C2CD3: variants seen among roughly 807,000 people sequenced by gnomAD.
The protein encoded by C2CD3 is C2 domain containing 3 centriole elongation regulator.
Under a neutral mutation model 234.0 loss-of-function variants are expected in C2CD3, and 148 were observed. That is an observed-to-expected ratio of 0.63 (90% confidence interval 0.55 to 0.72). The LOEUF (loss-of-function observed/expected upper bound fraction) is 0.72. Among genes scored for constraint, C2CD3 ranks in the 30% least tolerant of loss-of-function variants. The pLI, the probability that C2CD3 is intolerant of heterozygous loss-of-function variation, is 0.00. For missense variants in C2CD3, 2,577 were observed against 2,811.5 expected, an observed-to-expected ratio of 0.92 and a Z score of 1.89; for synonymous variants, 1,000 against 1,035.4, an observed-to-expected ratio of 0.97 and a Z score of 0.66.
chr11:74,043,765 T>G lies in C2CD3; in HGVS notation c.5496-1547A>C, dbSNP rs751359635. Among the ~76,000 whole-genome samples the G allele has an allele frequency of 4.2e-4, 64 of 152,150 alleles. 2 individuals carry two copies. Among genetic ancestry groups the G allele is most frequent in the Non-Finnish European group, 2.2e-4 (15 of 68,034 alleles). On this transcript the variant is annotated intron_variant, in intron 28 of 32. Coordinates refer to ENST00000334126, the MANE Select transcript of C2CD3 (RefSeq NM_001286577.2). Reference sequence around the variant, plus strand: ...GTATATCTTTTTTTGAAGAAATGTCTATTCAGATCCTTTGCCCATTTTTAA... The same window carrying G: ...GTATATCTTTTTTTGAAGAAATGTCGATTCAGATCCTTTGCCCATTTTTAA...
intron 11 of C2CD3, among the ~76,000 whole-genome samples, chr11:74,111,730 G>A (rs770111266): frequency 2.6e-5 from 4 of 152,052 alleles, no homozygotes; most frequent in Non-Finnish European, 5.9e-5. Flanking sequence ...GGATGGCTTT[G>A]AATGCAGCCC....
chr11:74,106,559 G>C, intron 12 of C2CD3, 66 bp from the exon 13 acceptor site: 3 of 1,474,472 alleles, frequency 2.0e-6, no homozygotes, highest in South Asian at 2.4e-5. Flanking sequence ...CTTAATTAAA[G>C]TGACAACATA....
rs751103238 is a variant in C2CD3, at chr11:74,161,571, T to C, written c.326-15A>G. 1 of 1,523,406 alleles carries C rather than the reference T, an allele frequency of 6.6e-7. No homozygotes were observed. Among genetic ancestry groups the C allele is most frequent in the South Asian group, 1.3e-5 (1 of 78,882 alleles). 94.4% of individuals were successfully genotyped at this position (1,523,406 alleles called of 1,614,324 possible). A position where few individuals can be genotyped will look rare whatever the true frequency, so the allele number is the denominator to read the frequency against. On this transcript the variant is annotated splice_polypyrimidine_tract_variant and intron_variant, in intron 2 of 32. Transcript: ENST00000334126. ...CACAGCCATATCTAACCAGAAACAA[T>C]TACAACATGGATATTTTTCATTTAC...
chr11:74,100,125 T>C (rs1956259147), intron 15 of C2CD3, among the ~76,000 whole-genome samples: 1 of 152,196 alleles, frequency 6.6e-6, no homozygotes, highest in Non-Finnish European at 1.5e-5. Context: ...TGGTAACTTT[T>C]GACAATAGAG....
chr11:74,054,950 T>C, intron 25 of C2CD3, among the ~76,000 whole-genome samples: 1 of 152,104 alleles, frequency 6.6e-6, no homozygotes, highest in Admixed American at 6.5e-5. Flanking sequence ...GGAGGAAGTA[T>C]GGAAAAGAAG....
chr11:74,166,343 A>G (rs1432182480), intron 2 of C2CD3, among the ~76,000 whole-genome samples: 2 of 150,852 alleles, frequency 1.3e-5, no homozygotes, highest in Non-Finnish European at 2.9e-5. Flanking sequence ...AAACCATGTC[A>G]TGTCTACAGT....
intron 21 of C2CD3, 88 bp from the exon 22 acceptor site, chr11:74,085,058 A>C (rs1955578730): frequency 1.5e-6 from 1 of 679,604 alleles, no homozygotes; most frequent in Non-Finnish European, 2.6e-6. Flanking sequence ...CCCTCCCCTT[A>C]TATGCACTAA....
chr11:74,085,976 G>A, intron 20 of C2CD3, 90 bp from the exon 21 acceptor site: 3 of 1,302,118 alleles, frequency 2.3e-6, no homozygotes, highest in South Asian at 3.0e-5. Flanking sequence ...TTACTTCTAT[G>A]AGACCACCAA....
chr11:74,135,402 G>C (rs1032565149), intron 5 of C2CD3, among the ~76,000 whole-genome samples: 26 of 151,994 alleles, frequency 1.7e-4, no homozygotes, highest in African/African-American at 5.6e-4. Context: ...CAAAGTGCTG[G>C]GATTACAGGC....
At chr11:74,089,634 G>A (rs575699090) in intron 20 of C2CD3, among the ~76,000 whole-genome samples, 31 of 152,210 alleles carry the variant, frequency 2.0e-4, no homozygotes, top group Admixed American at 1.3e-3. Flanking sequence ...GTGTCAGTCT[G>A]AAGCAGGAGC....
At chr11:74,110,664 G>C (rs1289922034) in intron 11 of C2CD3, 1 of 152,186 alleles carries the variant, frequency 6.6e-6, no homozygotes, top group East Asian at 1.9e-4. Context: ...CTTACTACTT[G>C]GGTATGTTCT....
At chr11:74,043,818 T>C (rs1953206751) in intron 28 of C2CD3, among the ~76,000 whole-genome samples, 1 of 152,242 alleles carries the variant, frequency 6.6e-6, no homozygotes, top group Non-Finnish European at 1.5e-5. Context: ...TATTATTGAG[T>C]TGTAAGAGTT....
intron 14 of C2CD3, among the ~76,000 whole-genome samples, chr11:74,101,795 T>A: frequency 6.6e-6 from 1 of 151,802 alleles, no homozygotes; most frequent in East Asian, 1.9e-4. Flanking sequence ...AGCTGGGCTA[T>A]CTAGTATAAG....
At chr11:74,160,659 T>C (rs1730977195) in intron 3 of C2CD3, among the ~76,000 whole-genome samples, 1 of 152,208 alleles carries the variant, frequency 6.6e-6, no homozygotes, top group Non-Finnish European at 1.5e-5. Context: ...GAATAAATTC[T>C]GGTGTTCTAT....
chr11:74,042,752 T>TA (rs35623397), intron 28 of C2CD3, among the ~76,000 whole-genome samples: 42 of 140,230 alleles, frequency 3.0e-4, no homozygotes, highest in South Asian at 4.6e-4. Context: ...GACTCTGTCT[T>TA]AAAAAAAAAA....
At position 74,106,474 on chromosome 11, in the gene C2CD3, A is replaced by G. The variant is rs1956524567; in HGVS notation, c.1982T>C (p.Val661Ala). ...AATGACAGCTCGCAAAGAAAGTGACACAGATCCAATGACTTCTGGCTGAGA... is the reference window on the plus strand; with the variant it reads ...AATGACAGCTCGCAAAGAAAGTGACGCAGATCCAATGACTTCTGGCTGAGA... ...PQKKPEVIGS[V>A]SLSLRAVIQS... is the part of the protein sequence containing the mutation. The change falls in exon 13 of 33, where the codon GTG (valine) becomes GCG (alanine). Residue 661 changes from valine to alanine, a missense_variant. Transcript: ENST00000334126. The G allele has an allele frequency of 3.7e-6, 6 of 1,614,084 alleles. No individual in the cohort carries two copies. In the East Asian group the frequency reaches 1.3e-4, roughly 36 times the overall value.
At chr11:74,078,007 G>T in intron 23 of C2CD3, 108 bp downstream of exon 23, 1 of 1,337,070 alleles carries the variant, frequency 7.5e-7, no homozygotes, top group Non-Finnish European at 1.0e-6. Context: ...TATCTCACAG[G>T]ATTGCTGGGA....
At chr11:74,119,391 C>T (rs752716537) in intron 8 of C2CD3, among the ~76,000 whole-genome samples, 1 of 152,050 alleles carries the variant, frequency 6.6e-6, no homozygotes, top group Admixed American at 6.6e-5. Context: ...CAGCCCTCTA[C>T]ATCACAAAAT....
Position 74,123,062 on chromosome 11 carries a change from C to T in C2CD3, c.1291G>A (p.Val431Met). ...PPDSPSPGSDVYCISELNDPQ... is the reference protein window; with the variant it reads ...PPDSPSPGSDMYCISELNDPQ... ...TCATTCAGCTCACTGATGCAATACA[C>T]ATCACTCCCAGGAGATGGGGAATCT... Residue 431 changes from valine to methionine, a missense_variant, in exon 8 of 33, where the codon GTG (valine) becomes ATG (methionine). By Grantham distance (21) the Val-to-Met change is conservative (BLOSUM62 1). Coordinates refer to ENST00000334126, the MANE Select transcript of C2CD3 (RefSeq NM_001286577.2). The T allele has an allele frequency of 6.2e-7, 1 of 1,612,804 alleles. No individual in the cohort carries two copies. The highest frequency in any genetic ancestry group is 8.5e-7 in the Non-Finnish European group (1 of 1,178,776).
Sources: gnomAD v4.1 joint callset for allele counts (sites outside exome capture counted in the v4.1 genomes callset) on GRCh38, gnomAD v4.1.1 for gene constraint, MANE v1.5 for transcripts, NCBI Gene and HGNC (gene_info 2026-07-23, HGNC 2026-07-21) for gene names.